Variants in NGLY1 observed in about 807,000 individuals in gnomAD.
The protein encoded by NGLY1 is N-glycanase 1, also known as peptide-N(4)-(N-acetyl-beta-glucosaminyl)asparagine amidase.
Under a neutral mutation model 84.6 loss-of-function variants are expected in NGLY1, and 68 were observed. That is an observed-to-expected ratio of 0.80 (90% confidence interval 0.66 to 0.98). The LOEUF (loss-of-function observed/expected upper bound fraction) is 0.98, where lower values mean the gene tolerates loss of function less well. Among genes scored for constraint, NGLY1 ranks in the 50% least tolerant of loss-of-function variants. The pLI, the probability that NGLY1 is intolerant of heterozygous loss-of-function variation, is 0.00. For missense variants in NGLY1, 779 were observed against 770.2 expected (o/e 1.01, Z -0.14); for synonymous variants, 280 against 275.2 (o/e 1.02, Z -0.17).
At chr3:25,721,396 T>C (rs115900221) in intron 10 of NGLY1, among the ~76,000 whole-genome samples, 4 of 152,158 alleles carry the variant, frequency 2.6e-5, no homozygotes, top group African/African-American at 9.6e-5. Context: ...GTTATCTGCC[T>C]GGTCTGAAAT....
chr3:25,727,128 A>G (rs1363257994), intron 10 of NGLY1, among the ~76,000 whole-genome samples: 1 of 152,214 alleles, frequency 6.6e-6, no homozygotes, highest in African/African-American at 2.4e-5. Flanking sequence ...ACTGATTTAG[A>G]TGGAATACTT....
At position 25,735,998 on chromosome 3, in the gene NGLY1, CTCTACCTCA is replaced by C. The variant is rs772573805; in HGVS notation, c.1146_1149+5del. ...TGGAAAAAAGTTTTTTTCTTTTATG[CTCTACCTCA>C]TCTTTTGAAAATGCTATGACATAGG... is the stretch of plus-strand genomic sequence containing the variant. On this transcript the variant is annotated splice_donor_variant and splice_donor_5th_base_variant and coding_sequence_variant and intron_variant, in exon 7 of 12. Coordinates refer to ENST00000280700, the MANE Select transcript of NGLY1 (RefSeq NM_018297.4). LOFTEE classifies it high-confidence loss of function. The C allele has an allele frequency of 6.3e-7, 1 of 1,598,972 alleles. No individual in the cohort carries two copies. The highest frequency in any genetic ancestry group is 8.5e-7 in the Non-Finnish European group (1 of 1,174,888).
At chr3:25,728,834 T>C (rs1705393078) in intron 10 of NGLY1, among the ~76,000 whole-genome samples, 1 of 152,110 alleles carries the variant, frequency 6.6e-6, no homozygotes, top group Admixed American at 6.6e-5. Context: ...TATATATGTA[T>C]ATATGTTCAT....
chr3:25,749,943 C>CAA, intron 4 of NGLY1: 4 of 389,840 alleles, frequency 1.0e-5, no homozygotes, highest in South Asian at 7.8e-5. Context: ...GTAAAAACTG[C>CAA]CAAAAAAAAA....
chr3:25,751,865 C>A (rs1706768563), intron 3 of NGLY1, among the ~76,000 whole-genome samples: 1 of 152,172 alleles, frequency 6.6e-6, no homozygotes, highest in Non-Finnish European at 1.5e-5. Flanking sequence ...TCCTTGTCAC[C>A]TCATCAACAA....
chr3:25,732,230 A>G, intron 9 of NGLY1, 89 bp downstream of exon 9: 1 of 1,170,736 alleles, frequency 8.5e-7, no homozygotes, highest in Non-Finnish European at 1.2e-6. Context: ...GAAAGGTCAT[A>G]GTCAATGCAG....
At chr3:25,745,748 ATTT>A (rs1433510437) in intron 4 of NGLY1, among the ~76,000 whole-genome samples, 3 of 151,990 alleles carry the variant, frequency 2.0e-5, no homozygotes, top group Non-Finnish European at 4.4e-5. Context: ...TACTCTTTTG[ATTT>A]TAATTCATTT....
At chr3:25,734,133 C>T (rs1705698054) in intron 7 of NGLY1, 151 bp from the exon 8 acceptor site, 1 of 973,684 alleles carries the variant, frequency 1.0e-6, no homozygotes, top group East Asian at 2.8e-5. Context: ...GTGGCGTGAT[C>T]TCAGCTCACT....
upstream of NGLY1, chr3:25,783,514 G>A: frequency 1.1e-6 from 1 of 931,600 alleles, no homozygotes. The surrounding 1 kb of genome is among the most constrained non-coding windows in gnomAD (Gnocchi z 4.5). Flanking sequence ...CGGCAGGGGC[G>A]GGGTCCTCGG....
In NGLY1 at chr3:25,733,466, CGTGTGTGTGTGTGTGTGTGTGTGT is replaced by C. The variant is rs60529800; in HGVS notation, c.1260+382_1260+405del. Among the ~76,000 whole-genome samples, 228 of 134,212 alleles carry C rather than the reference CGTGTGTGTGTGTGTGTGTGTGTGT, an allele frequency of 1.7e-3. 2 individuals carry two copies. The highest frequency in any genetic ancestry group is 0.012 in the Middle Eastern group (3 of 252). 88.0% of individuals were successfully genotyped at this position (134,212 alleles called of 152,430 possible). On this transcript the variant is annotated intron_variant, in intron 8 of 11. Transcript: ENST00000280700. Reference sequence around the variant, plus strand: ...TGCTTCAGAAATTTCCTCACATGGACGTGTGTGTGTGTGTGTGTGTGTGTGTGTGTGTGTGTGTGTGTGTGTGTG... The same window carrying C: ...TGCTTCAGAAATTTCCTCACATGGACGTGTGTGTGTGTGTGTGTGTGTGTG...
chr3:25,781,651 C>T (rs113084463), intron 1 of NGLY1, among the ~76,000 whole-genome samples: 2,974 of 152,230 alleles, frequency 0.02, 108 homozygotes, highest in African/African-American at 0.068. Context: ...GAGTCAAGAT[C>T]GCGCCACTGC....
At position 25,719,536 on chromosome 3, in the gene NGLY1, G is replaced by T. The variant is rs891240035; in HGVS notation, c.1889C>A (p.Thr630Asn). The T allele has an allele frequency of 5.0e-6, 8 of 1,613,796 alleles. No individual in the cohort carries two copies. In the Admixed American group the frequency reaches 1.0e-4, roughly 20 times the overall value. Residue 630 changes from threonine (T) to asparagine (N), a missense_variant, in exon 12 of 12, where the codon ACC becomes AAC. By Grantham distance (65) the Thr-to-Asn change is moderately conservative. Coordinates refer to ENST00000280700, the MANE Select transcript of NGLY1 (RefSeq NM_018297.4). ...RGDGDVAWQH[T>N]QLFRQSLNDH... ...ATTTAAGCTTTGTCTAAACAGCTGGGTGTGTTGCCAAGCGACATCACCATC... is the reference window on the plus strand; with the variant it reads ...ATTTAAGCTTTGTCTAAACAGCTGGTTGTGTTGCCAAGCGACATCACCATC...
intron 3 of NGLY1, among the ~76,000 whole-genome samples, chr3:25,759,330 A>G (rs1707193556): frequency 6.6e-6 from 1 of 152,100 alleles, no homozygotes; most frequent in South Asian, 2.1e-4. Context: ...AAAAAAAAAA[A>G]AAAGAAATGT....
upstream of NGLY1, among the ~76,000 whole-genome samples, chr3:25,784,878 T>G (rs750588804): frequency 1.3e-5 from 2 of 152,218 alleles, no homozygotes; most frequent in African/African-American, 2.4e-5. Flanking sequence ...AATTTCTTTC[T>G]GGCTCATATA....
chr3:25,759,384 A>AC (rs1470356482), intron 3 of NGLY1, among the ~76,000 whole-genome samples: 3 of 151,994 alleles, frequency 2.0e-5, no homozygotes, highest in Non-Finnish European at 2.9e-5. Flanking sequence ...TGAAGCACTT[A>AC]TAGTGTCTCA....
intron 4 of NGLY1, among the ~76,000 whole-genome samples, chr3:25,745,556 A>C (rs1706375593): frequency 6.6e-6 from 1 of 152,212 alleles, no homozygotes; most frequent in Non-Finnish European, 1.5e-5. Flanking sequence ...TTACCCAGTC[A>C]TCTTTGACAT....
intron 5 of NGLY1, among the ~76,000 whole-genome samples, chr3:25,739,059 T>C (rs939639225): frequency 1.3e-5 from 2 of 152,206 alleles, no homozygotes; most frequent in African/African-American, 4.8e-5. Context: ...TAATGCTGAT[T>C]ATTGTGAGAG....
chr3:25,775,465 A>G lies in NGLY1; in HGVS notation c.246+3109T>C, dbSNP rs187835668. Reference sequence around the variant, plus strand: ...GGAATATTATTCCACCATAAAAAAGAACAAAATCCTGTCATTTGCATCATC... The same window carrying G: ...GGAATATTATTCCACCATAAAAAAGGACAAAATCCTGTCATTTGCATCATC... On this transcript the variant is annotated intron_variant, in intron 2 of 11. Coordinates refer to ENST00000280700, the MANE Select transcript of NGLY1 (RefSeq NM_018297.4). 6.6e-5 allele frequency among the ~76,000 whole-genome samples: 10 copies of G among 152,362 alleles called. No homozygotes were observed. In the East Asian group the frequency reaches 1.9e-3, roughly 29 times the overall value.
chr3:25,786,898 AATTC>A (rs1374356271), upstream of NGLY1, among the ~76,000 whole-genome samples: 1 of 152,266 alleles, frequency 6.6e-6, no homozygotes, highest in African/African-American at 2.4e-5. Flanking sequence ...TTCATTCCAT[AATTC>A]ATTCATTCAT....
Sources: gnomAD v4.1 joint callset for allele counts (sites outside exome capture counted in the v4.1 genomes callset) on GRCh38, gnomAD v4.1.1 for gene constraint, Gnocchi (gnomAD v3.1) non-coding constraint, MANE v1.5 for transcripts, NCBI Gene and HGNC (gene_info 2026-07-23, HGNC 2026-07-21) for gene names.